IL1RAPL1: variants seen among roughly 807,000 people sequenced by gnomAD.
IL1RAPL1 encodes the protein interleukin 1 receptor accessory protein like 1.
Under a neutral mutation model 48.4 loss-of-function variants are expected in IL1RAPL1, and 3 were observed. That is an observed-to-expected ratio of 0.06 (90% CI 0.03 to 0.16). IL1RAPL1 has a LOEUF of 0.16. Among genes scored for constraint, IL1RAPL1 ranks in the 10% least tolerant of loss-of-function variants. IL1RAPL1 has a pLI of 1.00. For missense variants in IL1RAPL1, 349 were observed against 530.6 expected (o/e 0.66, Z 3.36); for synonymous variants, 185 against 187.7 (o/e 0.99, Z 0.12).
chrX:29,076,802 G>GTCTGTCTGTCTGTCTATCTATCTATCTA (rs568595100), intron 2 of IL1RAPL1, among the ~76,000 whole-genome samples: 19 of 97,272 alleles, frequency 2.0e-4, no homozygotes, highest in Non-Finnish European at 3.3e-4. Context: ...CTGTCTGTCT[G>GTCTGTCTGTCTGTCTATCTATCTATCTA]TCTATCTATC....
chrX:29,591,542 C>T (rs1394326520), intron 5 of IL1RAPL1, among the ~76,000 whole-genome samples: 3 of 112,029 alleles, frequency 2.7e-5, no homozygotes, highest in African/African-American at 6.5e-5. Context: ...CTGCCTGGCT[C>T]GTCCCTCTGC....
chrX:28,655,218 A>G lies in IL1RAPL1; in HGVS notation c.-25+67171A>G, dbSNP rs188977830. On this transcript the variant is annotated intron_variant, in intron 1 of 10. Coordinates refer to ENST00000378993, the MANE Select transcript of IL1RAPL1 (RefSeq NM_014271.4). ...ACCAGGGAATCATATTTCCTGTAAG[A>G]AAAGTTGGTAAAAATACCAGTGAGG... Among the ~76,000 whole-genome samples the G allele has an allele frequency of 2.5e-3, 284 of 111,480 alleles. 1 individual carries two copies. Among genetic ancestry groups the G allele is most frequent in the African/African-American group, 8.8e-3 (271 of 30,664 alleles).
intron 3 of IL1RAPL1, among the ~76,000 whole-genome samples, chrX:29,336,762 A>G (rs910587581): frequency 5.4e-5 from 6 of 111,543 alleles, no homozygotes; most frequent in African/African-American, 2.0e-4. Flanking sequence ...CCAGTGAGGC[A>G]TGTTTGTTCA....
intron 1 of IL1RAPL1, among the ~76,000 whole-genome samples, chrX:28,604,308 C>A (rs1229169558): frequency 9.0e-6 from 1 of 111,682 alleles, no homozygotes; most frequent in African/African-American, 3.3e-5. Context: ...AGTGTGAGTT[C>A]CAATTTTGGC....
At chrX:29,474,668 C>A (rs1459199376) in intron 5 of IL1RAPL1, among the ~76,000 whole-genome samples, 2 of 111,409 alleles carry the variant, frequency 1.8e-5, no homozygotes, top group Non-Finnish European at 3.8e-5. Flanking sequence ...AGGGAGAGGT[C>A]CCAGACTCTT....
At position 29,291,695 on chromosome X, in the gene IL1RAPL1, C is replaced by T. The variant is rs781172838; in HGVS notation, c.362+8478C>T. 4.5e-5 allele frequency among the ~76,000 whole-genome samples: 5 copies of T among 112,120 alleles called. No individual in the cohort carries two copies. The East Asian group carries it at 1.1e-3, about 25-fold the overall frequency. ...GTTCTCTGATATTCTTGGGTCCATG[C>T]TCTTCCTTTCTATATAAAATTAATG... is the stretch of plus-strand genomic sequence containing the variant. On this transcript the variant is annotated intron_variant, in intron 3 of 10. Coordinates refer to ENST00000378993, the MANE Select transcript of IL1RAPL1 (RefSeq NM_014271.4).
chrX:28,655,056 T>C (rs1183441267), intron 1 of IL1RAPL1, among the ~76,000 whole-genome samples: 1 of 110,902 alleles, frequency 9.0e-6, no homozygotes, highest in Non-Finnish European at 1.9e-5. Context: ...AGGACCAAAT[T>C]TAGTTCCCAT....
At chrX:28,842,590 A>C (rs911136333) in intron 2 of IL1RAPL1, among the ~76,000 whole-genome samples, 9 of 111,567 alleles carry the variant, frequency 8.1e-5, no homozygotes, top group African/African-American at 2.9e-4. Context: ...CAAGACAATT[A>C]CTTTTAATCT....
At chrX:29,092,621 TTTTAA>T (rs1928115611) in intron 2 of IL1RAPL1, among the ~76,000 whole-genome samples, 1 of 112,096 alleles carries the variant, frequency 8.9e-6, no homozygotes, top group African/African-American at 3.2e-5. Flanking sequence ...AATACTACTG[TTTTAA>T]TTAATATAAT....
At position 29,641,175 on chromosome X, in the gene IL1RAPL1, TAAACAAACAAAC is replaced by T. The variant is rs60275629; in HGVS notation, c.704-27231_704-27220del. On this transcript the variant is annotated intron_variant, in intron 5 of 10. Coordinates refer to ENST00000378993, the MANE Select transcript of IL1RAPL1 (RefSeq NM_014271.4). ...AACAGAGTGAGACCCTGTCTCAAAA[TAAACAAACAAAC>T]AAACAAACAAACAAACAAACAAAGG... Among the ~76,000 whole-genome samples the T allele has an allele frequency of 9.6e-3, 1,013 of 105,598 alleles. 10 individuals are homozygous for T. Among genetic ancestry groups the T allele is most frequent in the African/African-American group, 0.036 (974 of 27,003 alleles). The allele number at this position is 105,598 out of a possible 115,157, so 91.7% of individuals were successfully genotyped here.
intron 1 of IL1RAPL1, among the ~76,000 whole-genome samples, chrX:28,739,469 C>T (rs1935882662): frequency 9.0e-6 from 1 of 111,440 alleles, no homozygotes; most frequent in Admixed American, 9.6e-5. Flanking sequence ...ATTCCCAGCA[C>T]GTTGCATCCA....
intron 5 of IL1RAPL1, among the ~76,000 whole-genome samples, chrX:29,454,073 A>C (rs1934711406): frequency 8.9e-6 from 1 of 112,276 alleles, no homozygotes; most frequent in South Asian, 3.6e-4. Flanking sequence ...GGACTATCCC[A>C]AATGCTCAGC....
chrX:29,817,321 A>AT (rs1042050308), intron 6 of IL1RAPL1, among the ~76,000 whole-genome samples: 2 of 111,562 alleles, frequency 1.8e-5, no homozygotes, highest in African/African-American at 6.5e-5. Flanking sequence ...ATTTTAATGC[A>AT]TTTTGCATTA....
At chrX:29,636,989 G>T (rs1206293186) in intron 5 of IL1RAPL1, among the ~76,000 whole-genome samples, 1 of 107,050 alleles carries the variant, frequency 9.3e-6, no homozygotes. Context: ...GGAGGCAGAG[G>T]TTGCGGTGAG....
intron 3 of IL1RAPL1, among the ~76,000 whole-genome samples, chrX:29,353,403 T>TA (rs1933259933): frequency 8.9e-6 from 1 of 111,834 alleles, no homozygotes. Context: ...TTCAGATTTT[T>TA]AAAAAATCAA....
chrX:28,992,476 C>T (rs1383951589), intron 2 of IL1RAPL1, among the ~76,000 whole-genome samples: 6 of 78,290 alleles, frequency 7.7e-5, no homozygotes, highest in Admixed American at 2.0e-4. Context: ...GCTGACAGAA[C>T]GAGACTCTGT....
At chrX:29,724,885 C>T (rs1247359809) in intron 6 of IL1RAPL1, among the ~76,000 whole-genome samples, 1 of 111,667 alleles carries the variant, frequency 9.0e-6, no homozygotes, top group African/African-American at 3.3e-5. Context: ...TTTGCTAAAT[C>T]TCCAATTGTT....
chrX:29,326,046 C>T (rs1459140624), intron 3 of IL1RAPL1, among the ~76,000 whole-genome samples: 2 of 112,116 alleles, frequency 1.8e-5, no homozygotes, highest in Admixed American at 9.5e-5. Context: ...ACATTGAAGA[C>T]TATATTTCAC....
intron 2 of IL1RAPL1, among the ~76,000 whole-genome samples, chrX:29,072,239 G>A (rs1927580837): frequency 9.0e-6 from 1 of 110,561 alleles, no homozygotes; most frequent in African/African-American, 3.3e-5. Flanking sequence ...AAAAAAAAAT[G>A]GTTCTATCGA....
Sources: gnomAD v4.1 joint callset for allele counts (sites outside exome capture counted in the v4.1 genomes callset) on GRCh38, gnomAD v4.1.1 for gene constraint, MANE v1.5 for transcripts, NCBI Gene and HGNC (gene_info 2026-07-23, HGNC 2026-07-21) for gene names.